The following KLHL3 variants were observed in gnomAD, a reference collection of about 807,000 sequenced individuals.
KLHL3 encodes the protein kelch-like protein 3.
Under a neutral mutation model 70.5 loss-of-function variants are expected in KLHL3, and 19 were observed. The observed-to-expected ratio is 0.27, with a 90% CI of 0.19 to 0.40. The LOEUF (loss-of-function observed/expected upper bound fraction) is 0.40. Ranked by LOEUF, KLHL3 falls within the 10% of genes least tolerant of loss-of-function variation. The pLI is 1.00. For missense variants in KLHL3, 512 were observed against 771.1 expected (o/e 0.66, Z 3.98); for synonymous variants, 258 against 290.3 (o/e 0.89, Z 1.13).
At chr5:137,662,240 TACACACACACAC>T (rs138942924) in intron 6 of KLHL3, among the ~76,000 whole-genome samples, 143 of 141,852 alleles carry the variant, frequency 1.0e-3, no homozygotes, top group African/African-American at 3.1e-3. Context: ...ACACACACTC[TACACACACACAC>T]ACACACACAC....
At position 137,620,630 on chromosome 5, in the gene KLHL3, G is replaced by A. The variant is rs938539787; in HGVS notation, c.*1468C>T. ...TAGTTTAGGAACAGCACAACTTTAA[G>A]GTTTTTTAAATACAAATTACTCCAT... is the stretch of plus-strand genomic sequence containing the variant. On this transcript the variant is annotated 3_prime_UTR_variant, in exon 15 of 15. Coordinates refer to ENST00000309755, the MANE Select transcript of KLHL3 (RefSeq NM_017415.3). 6.6e-6 allele frequency: 1 copy of A among 152,178 alleles called. No homozygotes were observed. The highest frequency in any genetic ancestry group is 2.4e-5 in the African/African-American group (1 of 41,436). The allele number at this position is 152,178 out of a possible 1,614,324, so 9.4% of individuals were successfully genotyped here. A position where few individuals can be genotyped will look rare whatever the true frequency, so the allele number is the denominator to read the frequency against.
At chr5:137,622,159 A>G in intron 14 of KLHL3, 33 bp from the exon 15 acceptor site, 1 of 1,613,588 alleles carries the variant, frequency 6.2e-7, no homozygotes, top group Non-Finnish European at 8.5e-7. Flanking sequence ...TTATCATCTT[A>G]GCTTCTCCAA....
chr5:137,652,025 T>C (rs1212983849), intron 8 of KLHL3, among the ~76,000 whole-genome samples: 1 of 152,128 alleles, frequency 6.6e-6, no homozygotes, highest in Non-Finnish European at 1.5e-5. Flanking sequence ...GACTCTCACC[T>C]CATGCACCAT....
At chr5:137,677,908 T>G (rs1751925707) in intron 5 of KLHL3, among the ~76,000 whole-genome samples, 2 of 152,174 alleles carry the variant, frequency 1.3e-5, no homozygotes, top group African/African-American at 2.4e-5. Context: ...CAGACAGATC[T>G]GAGTTTGTAT....
intron 4 of KLHL3, among the ~76,000 whole-genome samples, chr5:137,694,309 C>T (rs1350660099): frequency 1.3e-5 from 2 of 152,186 alleles, no homozygotes. Context: ...AAATTAACAC[C>T]ATGTCTGTGA....
At chr5:137,689,785 C>A (rs1170084005) in intron 5 of KLHL3, among the ~76,000 whole-genome samples, 3 of 152,138 alleles carry the variant, frequency 2.0e-5, no homozygotes, top group Admixed American at 6.5e-5. Context: ...ACATAACAAA[C>A]CTGCATATGT....
At chr5:137,726,921 A>G (rs1753094290) in intron 1 of KLHL3, among the ~76,000 whole-genome samples, 1 of 152,150 alleles carries the variant, frequency 6.6e-6, no homozygotes, top group South Asian at 2.1e-4. Flanking sequence ...TAAAATAGTA[A>G]TTATAAAAGT....
intron 5 of KLHL3, among the ~76,000 whole-genome samples, chr5:137,681,502 C>A (rs1019316910): frequency 6.6e-6 from 1 of 152,082 alleles, no homozygotes; most frequent in African/African-American, 2.4e-5. Flanking sequence ...TAGCTAGAAC[C>A]TAGGTGATGT....
At chr5:137,692,819 T>TACACAC (rs3045645) in intron 4 of KLHL3, 45,405 of 167,944 alleles carry the variant, frequency 0.27, 6,566 homozygotes, top group African/African-American at 0.33. Context: ...AACAAAACTC[T>TACACAC]ACACACACAC....
Position 137,658,233 on chromosome 5 carries a change from G to T in KLHL3, c.801C>A (p.Asp267Glu). 1 of 1,613,600 alleles carries T rather than the reference G, an allele frequency of 6.2e-7. No individual in the cohort carries two copies. Among genetic ancestry groups the T allele is most frequent in the South Asian group, 1.1e-5 (1 of 91,068 alleles). The change falls in exon 8 of 15, where the codon GAC becomes GAA. Residue 267 changes from aspartate to glutamate, a missense_variant. By Grantham distance (45) the Asp-to-Glu change is conservative. Coordinates refer to ENST00000309755, the MANE Select transcript of KLHL3 (RefSeq NM_017415.3). ...GGTATTTCATGGCCTCAATGAGGAA[G>T]TCTTTACAGGTGTTGTTATTCTTTA... The part of the protein sequence containing the change: ...ALIKNNNTCK[D>E]FLIEAMKYHL...
chr5:137,703,781 C>T (rs953226843), intron 3 of KLHL3, among the ~76,000 whole-genome samples: 2 of 151,906 alleles, frequency 1.3e-5, no homozygotes, highest in African/African-American at 4.8e-5. Context: ...AATCTCATCC[C>T]TCCTCCACCT....
At chr5:137,677,449 A>G in intron 6 of KLHL3, 96 bp downstream of exon 6, 1 of 742,756 alleles carries the variant, frequency 1.3e-6, no homozygotes, top group Non-Finnish European at 2.3e-6. Flanking sequence ...CTCCATCTCA[A>G]AAAAAAAGAA....
rs761420612 is a variant in KLHL3 at position 137,699,652 on chromosome 5, G to A, written c.242-1244C>T. ...AGCCTGCACTCTATATACAACACAC[G>A]GGTTTATCGAAAGCCAGGCCCATTC... On this transcript the variant is annotated intron_variant, in intron 3 of 14. Transcript: ENST00000309755. Among the ~76,000 whole-genome samples the A allele has an allele frequency of 3.9e-4, 59 of 152,252 alleles. 2 individuals are homozygous for A. The highest frequency in any genetic ancestry group is 6.8e-3 in the Middle Eastern group (2 of 294).
At chr5:137,659,811 C>T (rs947272469) in intron 7 of KLHL3, among the ~76,000 whole-genome samples, 5 of 152,150 alleles carry the variant, frequency 3.3e-5, no homozygotes, top group Non-Finnish European at 7.3e-5. Context: ...AAATTGTACA[C>T]TTAAAATGGT....
In KLHL3 at chr5:137,622,132, A is replaced by T; in HGVS notation, c.1736-6T>A. ...CTTGTGAATCACGGCAACACCTAAT[A>T]AGAAAGGGGGAGAAAGTTATCATCT... On this transcript the variant is annotated splice_region_variant and splice_polypyrimidine_tract_variant and intron_variant, in intron 14 of 14. Transcript: ENST00000309755. 1 of 1,614,184 alleles carries T rather than the reference A, an allele frequency of 6.2e-7. No homozygotes were observed. Among genetic ancestry groups the T allele is most frequent in the Non-Finnish European group, 8.5e-7 (1 of 1,180,000 alleles).
chr5:137,651,888 A>G (rs1751210248), intron 8 of KLHL3, among the ~76,000 whole-genome samples: 1 of 152,256 alleles, frequency 6.6e-6, no homozygotes, highest in African/African-American at 2.4e-5. Context: ...GTCCAGAAAT[A>G]GACGAACACA....
chr5:137,716,346 G>A (rs760577504), intron 2 of KLHL3, among the ~76,000 whole-genome samples: 10 of 10,924 alleles, frequency 9.2e-4, no homozygotes, highest in Non-Finnish European at 2.0e-3. Context: ...TAAGGCATAT[G>A]TTTGTTTGTT....
At chr5:137,695,933 A>G (rs1405763781) in intron 4 of KLHL3, among the ~76,000 whole-genome samples, 2 of 152,156 alleles carry the variant, frequency 1.3e-5, no homozygotes, top group African/African-American at 2.4e-5. Flanking sequence ...GTAAGTCAAA[A>G]ATCTTCTAGC....
intron 2 of KLHL3, among the ~76,000 whole-genome samples, chr5:137,716,531 G>T (rs1752896342): frequency 6.6e-6 from 1 of 152,194 alleles, no homozygotes; most frequent in Non-Finnish European, 1.5e-5. Context: ...AATTTATGCT[G>T]AGCAAGGCGG....
Sources: allele counts gnomAD v4.1 joint callset (sites outside exome capture counted in the v4.1 genomes callset), GRCh38; gene constraint gnomAD v4.1.1; transcripts MANE v1.5; gene names NCBI Gene and HGNC (gene_info 2026-07-23, HGNC 2026-07-21).